Variants in LUC7L2 observed in about 807,000 individuals in gnomAD.
LUC7L2 encodes the protein LUC7 like 2, pre-mRNA splicing factor, also known as putative RNA-binding protein Luc7-like 2.
LUC7L2 carries 25 observed loss-of-function variants against 52.8 expected under a neutral mutation model. That is an observed-to-expected ratio of 0.47 (90% CI 0.34 to 0.66). LUC7L2 has a LOEUF of 0.66. Among genes scored for constraint, LUC7L2 ranks in the 30% least tolerant of loss-of-function variants. LUC7L2 has a pLI of 0.01. For synonymous variants in LUC7L2, 144 were observed against 160.9 expected, an observed-to-expected ratio of 0.89 and a Z score of 0.80; for missense variants, 328 against 497.8, an observed-to-expected ratio of 0.66 and a Z score of 3.25.
intron 2 of LUC7L2, among the ~76,000 whole-genome samples, chr7:139,391,475 CAA>C (rs907810517): frequency 6.6e-6 from 1 of 152,176 alleles, no homozygotes; most frequent in Non-Finnish European, 1.5e-5. Flanking sequence ...GCAGTACACT[CAA>C]AATGTATAAA....
chr7:139,351,574 C>T (rs369345915), intron 1 of LUC7L2, among the ~76,000 whole-genome samples: 8 of 152,248 alleles, frequency 5.3e-5, no homozygotes, highest in Non-Finnish European at 8.8e-5. Flanking sequence ...TCTTGTCATT[C>T]TACTCAGAAC....
At chr7:139,368,699 A>G (rs540944245) in intron 1 of LUC7L2, among the ~76,000 whole-genome samples, 32 of 148,938 alleles carry the variant, frequency 2.1e-4, no homozygotes, top group East Asian at 5.8e-4. Context: ...CATGGTGCCA[A>G]TGCACTCCAG....
upstream of LUC7L2, among the ~76,000 whole-genome samples, chr7:139,358,620 C>A (rs1563253950): frequency 6.6e-6 from 1 of 152,206 alleles, no homozygotes; most frequent in African/African-American, 2.4e-5. Flanking sequence ...TTAACTCATT[C>A]ATTTTTCTTA....
At chr7:139,391,647 G>A (rs954443362) in intron 2 of LUC7L2, among the ~76,000 whole-genome samples, 1 of 152,106 alleles carries the variant, frequency 6.6e-6, no homozygotes, top group Non-Finnish European at 1.5e-5. Flanking sequence ...AGAGGGCAGT[G>A]ACATGATCTT....
intron 1 of LUC7L2, among the ~76,000 whole-genome samples, chr7:139,344,695 CTTTT>C (rs1026301999): frequency 1.8e-4 from 21 of 116,354 alleles, no homozygotes; most frequent in East Asian, 5.2e-4. Context: ...AATTTTCTTT[CTTTT>C]TTTTTTTTTT....
At position 139,412,555 on chromosome 7, in the gene LUC7L2, C is replaced by A. The variant is rs759852593; in HGVS notation, c.784C>A (p.Arg262=). The A allele has an allele frequency of 2.5e-6, 4 of 1,599,656 alleles. No homozygotes were observed. Among genetic ancestry groups the A allele is most frequent in the Non-Finnish European group, 3.4e-6 (4 of 1,175,268 alleles). The part of the protein sequence containing the change: ...REEREKLRRS[R]SHSKNPKRSR... ...ATACATATTTTTTTTTTTTAGGTCCCGATCACACAGCAAGAATCCAAAAAG... is the reference window on the plus strand; with the variant it reads ...ATACATATTTTTTTTTTTTAGGTCCAGATCACACAGCAAGAATCCAAAAAG... Residue 262 remains arginine, a synonymous_variant, in exon 8 of 10, where the codon CGA becomes AGA. Transcript: ENST00000354926.
chr7:139,372,852 A>T (rs1302790769), intron 1 of LUC7L2, among the ~76,000 whole-genome samples: 1 of 152,104 alleles, frequency 6.6e-6, no homozygotes, highest in East Asian at 1.9e-4. Context: ...GAGGGGAGAG[A>T]GCTTGTCTTA....
chr7:139,405,675 T>C lies in LUC7L2; in HGVS notation c.398T>C (p.Ile133Thr), dbSNP rs1795087133. 1 of 1,610,306 alleles carries C rather than the reference T, an allele frequency of 6.2e-7. No homozygotes were observed. The highest frequency in any genetic ancestry group is 1.7e-4 in the Middle Eastern group (1 of 6,040). The change falls in exon 5 of 10, where the codon ATT becomes ACT. Residue 133 changes from isoleucine (I) to threonine (T), a missense_variant. Transcript: ENST00000354926. ...AERVHELNEE[I>T]GKLLAKVEQL... ...CGTGTTCATGAGTTAAATGAAGAAA[T>C]TGGTAAATTGTTAGCCAAGGTGGAA...
upstream of LUC7L2, among the ~76,000 whole-genome samples, chr7:139,356,911 A>C (rs1188006685): frequency 2.0e-5 from 3 of 152,226 alleles, no homozygotes; most frequent in Non-Finnish European, 4.4e-5. Flanking sequence ...TGAAGAGCAA[A>C]ATAAGTGGTA....
chr7:139,380,992 G>A (rs1270270754), intron 2 of LUC7L2, among the ~76,000 whole-genome samples: 4 of 152,172 alleles, frequency 2.6e-5, no homozygotes, highest in African/African-American at 9.7e-5. Context: ...CTCATAGTAT[G>A]TGTGTTCAAA....
At chr7:139,357,102 A>C (rs1799627782), upstream of LUC7L2, among the ~76,000 whole-genome samples, 1 of 152,174 alleles carries the variant, frequency 6.6e-6, no homozygotes, top group South Asian at 2.1e-4. Context: ...TTGATACCTT[A>C]AGGATACACA....
intron 8 of LUC7L2, among the ~76,000 whole-genome samples, chr7:139,413,220 T>TA (rs1193929870): frequency 4.6e-5 from 7 of 152,216 alleles, no homozygotes; most frequent in Non-Finnish European, 1.0e-4. Flanking sequence ...TAGTTGCTGA[T>TA]ACATTTTTTT....
Position 139,412,467 on chromosome 7 carries a change from G to T in LUC7L2, c.780-84G>T. ...ATTTATAAAATTAATGTAAACATTA[G>T]AAATCAGGAAGAATATAATGTAACA... On this transcript the variant is annotated intron_variant, in intron 7 of 9. Coordinates refer to ENST00000354926, the MANE Select transcript of LUC7L2 (RefSeq NM_016019.5). The T allele has an allele frequency of 2.0e-6, 3 of 1,479,272 alleles. No individual in the cohort carries two copies. In the Admixed American group the frequency reaches 6.6e-5, roughly 33 times the overall value. 91.6% of individuals were successfully genotyped at this position (1,479,272 alleles called of 1,614,324 possible).
At chr7:139,365,343 C>A (rs1800100753) in intron 1 of LUC7L2, among the ~76,000 whole-genome samples, 1 of 152,072 alleles carries the variant, frequency 6.6e-6, no homozygotes, top group Non-Finnish European at 1.5e-5. Flanking sequence ...ATAAGCAAAA[C>A]AAAGAAAAAT....
At chr7:139,401,262 G>C (rs1267873286) in intron 3 of LUC7L2, among the ~76,000 whole-genome samples, 1 of 151,996 alleles carries the variant, frequency 6.6e-6, no homozygotes, top group African/African-American at 2.4e-5. Context: ...AGAAAAAAGG[G>C]TAAAAATGTT....
chr7:139,406,800 A>G (rs1345339746), intron 5 of LUC7L2, among the ~76,000 whole-genome samples: 1 of 151,970 alleles, frequency 6.6e-6, no homozygotes, highest in Non-Finnish European at 1.5e-5. Context: ...GTCTTTTCTT[A>G]ATTAATCTAG....
chr7:139,391,133 C>T (rs2355783), intron 2 of LUC7L2, among the ~76,000 whole-genome samples: 58,602 of 152,146 alleles, frequency 0.39, 15,776 homozygotes, highest in African/African-American at 0.77. Context: ...TGTTCTCTTA[C>T]ATGCAGTGAG....
chr7:139,398,217 A>C (rs1288465578), intron 2 of LUC7L2, among the ~76,000 whole-genome samples: 1 of 152,220 alleles, frequency 6.6e-6, no homozygotes, highest in African/African-American at 2.4e-5. Flanking sequence ...TCTTCAAAGC[A>C]CATTGACATC....
chr7:139,344,691 CTTTCTTT>C (rs1799176102), intron 1 of LUC7L2, among the ~76,000 whole-genome samples: 4 of 111,810 alleles, frequency 3.6e-5, no homozygotes, highest in African/African-American at 1.6e-4. Flanking sequence ...TTTCAATTTT[CTTTCTTT>C]TTTTTTTTTT....
Sources: allele counts gnomAD v4.1 joint callset (sites outside exome capture counted in the v4.1 genomes callset), GRCh38; gene constraint gnomAD v4.1.1; transcripts MANE v1.5; gene names NCBI Gene and HGNC (gene_info 2026-07-23, HGNC 2026-07-21).